The following GPR176 variants were observed in gnomAD, a reference collection of about 807,000 sequenced individuals.
GPR176 encodes G protein-coupled receptor 176, also known as G-protein coupled receptor 176.
GPR176 carries 26 observed loss-of-function variants against 35.4 expected under a neutral mutation model. The observed-to-expected ratio is 0.74, with a 90% confidence interval of 0.54 to 1.02. The LOEUF (loss-of-function observed/expected upper bound fraction) is 1.02. GPR176 is among the 50% of genes least tolerant of loss of function. The pLI is 0.00. For synonymous variants in GPR176, 278 were observed against 271.3 expected (o/e 1.02, Z -0.24); for missense variants, 597 against 665.3 (o/e 0.90, Z 1.13).
At chr15:39,869,612 A>G (rs2031971761) in intron 1 of GPR176, among the ~76,000 whole-genome samples, 1 of 151,520 alleles carries the variant, frequency 6.6e-6, no homozygotes. Context: ...ATTTCCTCAC[A>G]TTTTGTTCCC....
chr15:39,830,559 G>T (rs1448796196), intron 1 of GPR176, among the ~76,000 whole-genome samples: 1 of 152,198 alleles, frequency 6.6e-6, no homozygotes, highest in Non-Finnish European at 1.5e-5. Flanking sequence ...TATGGCAATA[G>T]CAAGGAGTTT....
At chr15:39,836,133 T>A (rs1477357456) in intron 1 of GPR176, among the ~76,000 whole-genome samples, 1 of 151,550 alleles carries the variant, frequency 6.6e-6, no homozygotes, top group Non-Finnish European at 1.5e-5. Flanking sequence ...ATAAAAAGAG[T>A]GTTTCTATTG....
At chr15:39,882,913 T>C (rs1241859950) in intron 1 of GPR176, among the ~76,000 whole-genome samples, 7 of 152,168 alleles carry the variant, frequency 4.6e-5, no homozygotes. Flanking sequence ...AAGGAGCAGT[T>C]CCATAGCTTC....
intron 1 of GPR176, among the ~76,000 whole-genome samples, chr15:39,883,074 G>A (rs2032539157): frequency 6.6e-6 from 1 of 152,166 alleles, no homozygotes; most frequent in Non-Finnish European, 1.5e-5. Flanking sequence ...TTAGAGACTT[G>A]TAGACTTCGT....
intron 1 of GPR176, among the ~76,000 whole-genome samples, chr15:39,878,177 A>G (rs932524732): frequency 7.0e-6 from 1 of 143,670 alleles, no homozygotes; most frequent in African/African-American, 2.6e-5. Flanking sequence ...TCAAGTGTAC[A>G]ATACAGTATT....
intron 1 of GPR176, among the ~76,000 whole-genome samples, chr15:39,918,690 G>A (rs1388028622): frequency 1.3e-5 from 2 of 151,666 alleles, no homozygotes; most frequent in Admixed American, 6.6e-5. Context: ...CACACCCCTA[G>A]ATATAGCAAT....
intron 1 of GPR176, among the ~76,000 whole-genome samples, chr15:39,865,801 C>G (rs1335630053): frequency 1.3e-5 from 2 of 152,098 alleles, no homozygotes; most frequent in African/African-American, 4.8e-5. Flanking sequence ...CAACATCTAA[C>G]AAAATTTCAT....
chr15:39,863,332 A>C (rs1304469979), intron 1 of GPR176, among the ~76,000 whole-genome samples: 3 of 151,320 alleles, frequency 2.0e-5, no homozygotes, highest in African/African-American at 7.3e-5. Flanking sequence ...TTTTTAACAA[A>C]AAGTTTAAAA....
chr15:39,840,282 C>A (rs1901660593), intron 1 of GPR176, among the ~76,000 whole-genome samples: 1 of 152,188 alleles, frequency 6.6e-6, no homozygotes, highest in Non-Finnish European at 1.5e-5. Flanking sequence ...TACATATACA[C>A]CATGGAATTC....
intron 1 of GPR176, among the ~76,000 whole-genome samples, chr15:39,853,892 A>G (rs899396277): frequency 6.6e-6 from 1 of 152,176 alleles, no homozygotes; most frequent in African/African-American, 2.4e-5. Flanking sequence ...TGCATAGCTC[A>G]GAGCCTTAAA....
intron 1 of GPR176, among the ~76,000 whole-genome samples, chr15:39,815,154 T>C (rs763392644): frequency 2.0e-5 from 3 of 152,204 alleles, no homozygotes; most frequent in Non-Finnish European, 2.9e-5. Flanking sequence ...AGAGAGAGGT[T>C]TGGCCAGAGG....
At chr15:39,826,425 A>T (rs978648060) in intron 1 of GPR176, among the ~76,000 whole-genome samples, 1 of 152,168 alleles carries the variant, frequency 6.6e-6, no homozygotes, top group Non-Finnish European at 1.5e-5. Context: ...GGGTGCTTAA[A>T]AGTCACAGAA....
At chr15:39,815,910 G>C (rs1369712598) in intron 1 of GPR176, among the ~76,000 whole-genome samples, 1 of 152,168 alleles carries the variant, frequency 6.6e-6, no homozygotes, top group African/African-American at 2.4e-5. Flanking sequence ...GTCTGTCAAA[G>C]GATGAATGGA....
At chr15:39,856,512 C>T (rs1249053429) in intron 1 of GPR176, among the ~76,000 whole-genome samples, 9 of 152,184 alleles carry the variant, frequency 5.9e-5, no homozygotes, top group Non-Finnish European at 1.2e-4. Context: ...TGGCTGCAGT[C>T]ATCTGAAGGT....
chr15:39,867,288 G>GT (rs2031867420), intron 1 of GPR176, among the ~76,000 whole-genome samples: 1 of 152,080 alleles, frequency 6.6e-6, no homozygotes, highest in African/African-American at 2.4e-5. Flanking sequence ...GCTGTGTCCA[G>GT]TTTAAGGACT....
chr15:39,862,336 A>G (rs986338678), intron 1 of GPR176: 4 of 152,200 alleles, frequency 2.6e-5, no homozygotes, highest in African/African-American at 9.7e-5. Flanking sequence ...ACCTGATGAA[A>G]TAAGTGATGA....
intron 1 of GPR176, among the ~76,000 whole-genome samples, chr15:39,847,925 G>A (rs1471141225): frequency 6.6e-6 from 1 of 152,080 alleles, no homozygotes; most frequent in Admixed American, 6.6e-5. Flanking sequence ...AAGGTCTCAG[G>A]AAACTTACAA....
At chr15:39,904,543 C>A (rs1015945178) in intron 1 of GPR176, among the ~76,000 whole-genome samples, 1 of 152,158 alleles carries the variant, frequency 6.6e-6, no homozygotes, top group Non-Finnish European at 1.5e-5. Flanking sequence ...GGTGGGGGTG[C>A]TCATCAAAGC....
chr15:39,915,858 C>T (rs114002883), intron 1 of GPR176, among the ~76,000 whole-genome samples: 11,444 of 152,080 alleles, frequency 0.075, 572 homozygotes, highest in East Asian at 0.29. Flanking sequence ...CCAGCCTGAG[C>T]GACAGAGTGA....
Sources: allele counts gnomAD v4.1 joint callset (sites outside exome capture counted in the v4.1 genomes callset), GRCh38; gene constraint gnomAD v4.1.1; transcripts MANE v1.5; gene names NCBI Gene and HGNC (gene_info 2026-07-23, HGNC 2026-07-21).